Variants in CHL1 observed in about 807,000 individuals in gnomAD.
CHL1 encodes the protein cell adhesion molecule L1 like.
A neutral mutation model predicts 141.9 loss-of-function variants in CHL1; 96 were observed. That is an observed-to-expected ratio of 0.68 (90% CI 0.57 to 0.80). The LOEUF (loss-of-function observed/expected upper bound fraction) is 0.80, where lower values mean the gene tolerates loss of function less well. Ranked by LOEUF, CHL1 falls within the 30% of genes least tolerant of loss-of-function variation. CHL1 has a pLI of 0.00. For synonymous variants in CHL1, 613 were observed against 502.2 expected (o/e 1.22, Z -2.95); for missense variants, 1,820 against 1,457.2 (o/e 1.25, Z -4.05).
chr3:404,993 A>C (rs1709421235), intron 27 of CHL1, among the ~76,000 whole-genome samples: 1 of 152,154 alleles, frequency 6.6e-6, no homozygotes, highest in Non-Finnish European at 1.5e-5. Context: ...TTGTGTCCTC[A>C]CATCGTGAAA....
At position 398,350 on chromosome 3, in the gene CHL1, G is replaced by C; in HGVS notation, c.3218G>C (p.Ser1073Thr). 1 of 1,604,788 alleles carries C rather than the reference G, an allele frequency of 6.2e-7. No homozygotes were observed. Among genetic ancestry groups the C allele is most frequent in the Non-Finnish European group, 8.5e-7 (1 of 1,171,782 alleles). Residue 1073 changes from serine to threonine, a missense_variant, in exon 25 of 28, where the codon AGC (serine) becomes ACC (threonine). Transcript: ENST00000256509. ...LMTKNWGDND[S>T]IFQDVIETRG... The stretch of plus-strand genomic sequence containing the variant: ...ACTAAGAATTGGGGCGATAATGATA[G>C]CATTTTTCAAGATGTAATTGAGACA...
At position 351,991 on chromosome 3, in the gene CHL1, C is replaced by G. The variant is rs571628465; in HGVS notation, c.1033+2448C>G. Among the ~76,000 whole-genome samples the G allele has an allele frequency of 3.3e-5, 5 of 152,218 alleles. No homozygotes were observed. In the East Asian group the frequency reaches 9.6e-4, roughly 29 times the overall value. Reference sequence around the variant, plus strand: ...ATAATCACAATCACATTTCAATAGACTATTTAAAAATAAGCTCCCACCAAT... The same window carrying G: ...ATAATCACAATCACATTTCAATAGAGTATTTAAAAATAAGCTCCCACCAAT... On this transcript the variant is annotated intron_variant, in intron 10 of 27. Transcript: ENST00000256509.
chr3:395,874 A>G (rs1035499904), intron 24 of CHL1, among the ~76,000 whole-genome samples: 1 of 152,124 alleles, frequency 6.6e-6, no homozygotes, highest in Non-Finnish European at 1.5e-5. Flanking sequence ...AAAATAGTAG[A>G]GAAAATGCAG....
intron 1 of CHL1, among the ~76,000 whole-genome samples, chr3:232,759 A>G (rs988379778): frequency 6.6e-6 from 1 of 152,126 alleles, no homozygotes; most frequent in Non-Finnish European, 1.5e-5. Flanking sequence ...TCCAGTTAAA[A>G]AAAAAATGAA....
At chr3:221,810 T>G (rs150254816) in intron 1 of CHL1, among the ~76,000 whole-genome samples, 1 of 152,250 alleles carries the variant, frequency 6.6e-6, no homozygotes, top group Non-Finnish European at 1.5e-5. Context: ...ACACCTAAAC[T>G]TATCCAAGAT....
At position 313,434 on chromosome 3, in the gene CHL1, C is replaced by G. The variant is rs1398760228; in HGVS notation, c.-94-6249C>G. On this transcript the variant is annotated intron_variant, in intron 2 of 27. Coordinates refer to ENST00000256509, the MANE Select transcript of CHL1 (RefSeq NM_006614.4). ...AAGTAGAAACCTCTTTTTTTAAATTCCAGCATATAAATTTGAATAATGTTA... is the reference window on the plus strand; with the variant it reads ...AAGTAGAAACCTCTTTTTTTAAATTGCAGCATATAAATTTGAATAATGTTA... Among the ~76,000 whole-genome samples the G allele has an allele frequency of 2.0e-5, 3 of 151,978 alleles. No homozygotes were observed. The East Asian group carries it at 5.8e-4, about 29-fold the overall frequency.
rs76340532 is a variant in CHL1, at chr3:276,750, A to G, written c.-95+32058A>G. 8.5e-3 allele frequency among the ~76,000 whole-genome samples: 1,295 copies of G among 152,074 alleles called. 22 individuals carry two copies. The highest frequency in any genetic ancestry group is 0.025 in the African/African-American group (1,046 of 41,490). On this transcript the variant is annotated intron_variant, in intron 2 of 27. Transcript: ENST00000256509. ...TAAAAATACAAAAAATTAGCTGGGC[A>G]TGCTGGCCGGCACCTGTAGTCCCAG...
chr3:263,660 A>G (rs936793504), intron 2 of CHL1, among the ~76,000 whole-genome samples: 6 of 152,210 alleles, frequency 3.9e-5, no homozygotes, highest in Non-Finnish European at 8.8e-5. Context: ...ATGTAGAGTG[A>G]CTTTTCCCAA....
intron 2 of CHL1, among the ~76,000 whole-genome samples, chr3:309,877 A>T (rs1456981418): frequency 1.3e-5 from 2 of 152,162 alleles, no homozygotes; most frequent in South Asian, 4.1e-4. Context: ...CAAACATTAT[A>T]TATATTATCC....
At chr3:265,530 T>C (rs1215187308) in intron 2 of CHL1, among the ~76,000 whole-genome samples, 1 of 152,220 alleles carries the variant, frequency 6.6e-6, no homozygotes, top group Non-Finnish European at 1.5e-5. Flanking sequence ...ACTAAATTTC[T>C]GAGCTGAAAT....
At chr3:277,335 TA>T (rs1696234912) in intron 2 of CHL1, among the ~76,000 whole-genome samples, 2 of 152,134 alleles carry the variant, frequency 1.3e-5, no homozygotes, top group African/African-American at 4.8e-5. Flanking sequence ...AGTTTATATT[TA>T]AAAAAGCAAA....
chr3:407,786 ACCTT>A lies in CHL1; in HGVS notation c.*2076_*2079del, dbSNP rs1709622747. ...GTCAAAAATATTTAGGAATTTAATA[ACCTT>A]TAAGTCAGAAACTAAAACAAATACT... On this transcript the variant is annotated 3_prime_UTR_variant, in exon 28 of 28. Coordinates refer to ENST00000256509, the MANE Select transcript of CHL1 (RefSeq NM_006614.4). 6.6e-6 allele frequency: 1 copy of A among 152,140 alleles called. No individual in the cohort carries two copies. Among genetic ancestry groups the A allele is most frequent in the African/African-American group, 2.4e-5 (1 of 41,434 alleles). The allele number at this position is 152,140 out of a possible 1,614,324, so 9.4% of individuals were successfully genotyped here. A position where few individuals can be genotyped will look rare whatever the true frequency, so the allele number is the denominator to read the frequency against.
chr3:230,855 T>C (rs971255580), intron 1 of CHL1, among the ~76,000 whole-genome samples: 1 of 152,220 alleles, frequency 6.6e-6, no homozygotes, highest in African/African-American at 2.4e-5. Flanking sequence ...TTCCACTTTG[T>C]CTGAGTAGTT....
chr3:318,626 G>A lies in CHL1; in HGVS notation c.-94-1057G>A, dbSNP rs573688161. On this transcript the variant is annotated intron_variant, in intron 2 of 27. Coordinates refer to ENST00000256509, the MANE Select transcript of CHL1 (RefSeq NM_006614.4). ...AAACTTTGAAATGAATAAATATTCT[G>A]TTTAAATGAGAAGCATCTTACGCCT... is the stretch of plus-strand genomic sequence containing the variant. Among the ~76,000 whole-genome samples, 44 of 151,338 alleles carry A rather than the reference G, an allele frequency of 2.9e-4. No individual in the cohort carries two copies. The South Asian group carries it at 7.5e-3, about 26-fold the overall frequency.
intron 5 of CHL1, among the ~76,000 whole-genome samples, chr3:336,368 T>A (rs758403790): frequency 9.9e-5 from 15 of 152,096 alleles, no homozygotes; most frequent in Non-Finnish European, 1.9e-4. Flanking sequence ...TGTTTTTTGG[T>A]TTTTGTTTTT....
chr3:298,181 T>C (rs958142084), intron 2 of CHL1, among the ~76,000 whole-genome samples: 4 of 152,210 alleles, frequency 2.6e-5, no homozygotes, highest in South Asian at 2.1e-4. Context: ...AGTCCATAAA[T>C]AGGCATAAAA....
At chr3:384,671 T>A (rs1707460219) in intron 19 of CHL1, 1 of 152,214 alleles carries the variant, frequency 6.6e-6, no homozygotes, top group Non-Finnish European at 1.5e-5. Flanking sequence ...TATATTGGCC[T>A]ACCTAAAAGG....
chr3:231,236 A>G (rs907124164), intron 1 of CHL1, among the ~76,000 whole-genome samples: 2 of 152,344 alleles, frequency 1.3e-5, no homozygotes, highest in African/African-American at 4.8e-5. Context: ...CACAATACTT[A>G]TAAAAAATAA....
chr3:208,042 G>A (rs577084259), intron 1 of CHL1, among the ~76,000 whole-genome samples: 2 of 152,108 alleles, frequency 1.3e-5, no homozygotes, highest in African/African-American at 4.8e-5. Context: ...TATAAAAACT[G>A]GTATGAGTGG....
Sources: gnomAD v4.1 joint callset for allele counts (sites outside exome capture counted in the v4.1 genomes callset) on GRCh38, gnomAD v4.1.1 for gene constraint, MANE v1.5 for transcripts, NCBI Gene and HGNC (gene_info 2026-07-23, HGNC 2026-07-21) for gene names.